CABCOCO1: variants seen among roughly 807,000 people sequenced by gnomAD.
CABCOCO1 encodes the protein ciliary-associated calcium-binding coiled-coil protein 1.
In CABCOCO1, 28 loss-of-function variants were observed where a neutral mutation model predicts 35.7. The observed-to-expected ratio is 0.78, with a 90% CI of 0.58 to 1.07. The LOEUF (loss-of-function observed/expected upper bound fraction) is 1.07, where lower values mean the gene tolerates loss of function less well. CABCOCO1 is among the 50% of genes least tolerant of loss of function. The pLI is 0.00. For missense variants in CABCOCO1, 326 were observed against 309.2 expected (o/e 1.05, Z -0.41); for synonymous variants, 95 against 100.1 (o/e 0.95, Z 0.30).
intron 5 of CABCOCO1, among the ~76,000 whole-genome samples, chr10:61,746,353 A>G (rs532598515): frequency 1.1e-3 from 163 of 152,100 alleles, no homozygotes; most frequent in Non-Finnish European, 1.8e-3. Context: ...TGATTTTTAC[A>G]TTTCTTAGAG....
chr10:61,664,044 T>G (rs1839092892), intron 1 of CABCOCO1, among the ~76,000 whole-genome samples: 1 of 152,154 alleles, frequency 6.6e-6, no homozygotes, highest in Non-Finnish European at 1.5e-5. Context: ...GAGCCAATAA[T>G]TCCATGCCTT....
Position 61,719,902 on chromosome 10 carries a change from CAG to C in CABCOCO1, c.552+29284_552+29285del, listed in dbSNP as rs1840958687. Reference sequence around the variant, plus strand: ...CACCACTGCACTCCAGCCTGGGCAGCAGAGTGAGACTCCATCTCAAAAAAAAA... The same window carrying C: ...CACCACTGCACTCCAGCCTGGGCAGCAGTGAGACTCCATCTCAAAAAAAAA... On this transcript the variant is annotated intron_variant, in intron 5 of 7. Coordinates refer to ENST00000648843, the MANE Select transcript of CABCOCO1 (RefSeq NM_001366906.2). Among the ~76,000 whole-genome samples, 11 of 120,698 alleles carry C rather than the reference CAG, an allele frequency of 9.1e-5. No homozygotes were observed. In the South Asian group the frequency reaches 3.0e-3, roughly 33 times the overall value. The allele number at this position is 120,698 out of a possible 152,430, so 79.2% of individuals were successfully genotyped here. A position where few individuals can be genotyped will look rare whatever the true frequency, so the allele number is the denominator to read the frequency against.
At chr10:61,707,387 C>A (rs1027553480) in intron 5 of CABCOCO1, among the ~76,000 whole-genome samples, 14 of 152,076 alleles carry the variant, frequency 9.2e-5, no homozygotes, top group Non-Finnish European at 2.1e-4. Context: ...ACCTCCCTGG[C>A]AGGATGCAAA....
chr10:61,663,373 G>GT lies in CABCOCO1; in HGVS notation c.60+355dup, dbSNP rs754985729. 4.8e-3 allele frequency among the ~76,000 whole-genome samples: 691 copies of GT among 143,586 alleles called. 4 individuals are homozygous for GT. The highest frequency in any genetic ancestry group is 0.011 in the African/African-American group (435 of 39,566). 94.2% of individuals were successfully genotyped at this position (143,586 alleles called of 152,430 possible). On this transcript the variant is annotated intron_variant, in intron 1 of 7. Transcript: ENST00000648843. ...CAGGTTTTGTTTTTTGGTTTTTCATGTTTTTTTTTTTTTTAATTCTAGGTA... is the reference window on the plus strand; with the variant it reads ...CAGGTTTTGTTTTTTGGTTTTTCATGTTTTTTTTTTTTTTTAATTCTAGGTA...
intron 5 of CABCOCO1, among the ~76,000 whole-genome samples, chr10:61,747,583 T>C (rs1841690304): frequency 6.6e-6 from 1 of 152,206 alleles, no homozygotes; most frequent in Non-Finnish European, 1.5e-5. Context: ...CAATGTTCCT[T>C]TATTATTTGA....
chr10:61,747,962 GC>G (rs1841699691), intron 5 of CABCOCO1, among the ~76,000 whole-genome samples: 1 of 152,044 alleles, frequency 6.6e-6, no homozygotes, highest in South Asian at 2.1e-4. Context: ...CAGATAATAG[GC>G]TATACTCATC....
chr10:61,709,517 G>C (rs1407901171), intron 5 of CABCOCO1, among the ~76,000 whole-genome samples: 4 of 151,778 alleles, frequency 2.6e-5, no homozygotes, highest in Non-Finnish European at 5.9e-5. Context: ...TTCACAGTAA[G>C]TGCCTAGTGC....
chr10:61,666,073 G>A, intron 1 of CABCOCO1, among the ~76,000 whole-genome samples: 1 of 152,086 alleles, frequency 6.6e-6, no homozygotes, highest in Non-Finnish European at 1.5e-5. Flanking sequence ...ATGCATTCAC[G>A]GCTTTATCAG....
intron 5 of CABCOCO1, among the ~76,000 whole-genome samples, chr10:61,697,847 C>T (rs1564539206): frequency 1.3e-5 from 2 of 151,980 alleles, no homozygotes; most frequent in Non-Finnish European, 2.9e-5. Context: ...GGAAAAAATA[C>T]GTGAACTCTC....
At chr10:61,687,311 G>A (rs776104511) in intron 4 of CABCOCO1, among the ~76,000 whole-genome samples, 2 of 152,168 alleles carry the variant, frequency 1.3e-5, no homozygotes, top group African/African-American at 2.4e-5. Context: ...TGTGTTGGGG[G>A]AGACGACGGT....
At chr10:61,716,376 A>C (rs913807897) in intron 5 of CABCOCO1, among the ~76,000 whole-genome samples, 4 of 152,152 alleles carry the variant, frequency 2.6e-5, no homozygotes, top group African/African-American at 9.7e-5. Context: ...CATTGGTTAA[A>C]GCAGTCACAG....
At position 61,665,902 on chromosome 10, in the gene CABCOCO1, AT is replaced by A. The variant is rs202083382; in HGVS notation, c.60+2871del. Among the ~76,000 whole-genome samples, 465 of 74,206 alleles carry A rather than the reference AT, an allele frequency of 6.3e-3. 1 individual carries two copies. Among genetic ancestry groups the A allele is most frequent in the East Asian group, 0.017 (67 of 3,936 alleles). The allele number at this position is 74,206 out of a possible 152,430, so 48.7% of individuals were successfully genotyped here. ...ACTCCGTCTCAAAAAAAAAAAAAAA[AT>A]ATCTAGGGAATTGAATCATAAGTAG... On this transcript the variant is annotated intron_variant, in intron 1 of 7. Coordinates refer to ENST00000648843, the MANE Select transcript of CABCOCO1 (RefSeq NM_001366906.2).
At chr10:61,680,649 A>ACATG (rs1839727309) in intron 2 of CABCOCO1, among the ~76,000 whole-genome samples, 2 of 50,112 alleles carry the variant, frequency 4.0e-5, no homozygotes, top group East Asian at 2.2e-3. Flanking sequence ...TATATAATAT[A>ACATG]TATTATGTTA....
intron 5 of CABCOCO1, among the ~76,000 whole-genome samples, chr10:61,748,150 G>C (rs1179855929): frequency 7.0e-6 from 1 of 142,148 alleles, no homozygotes; most frequent in Non-Finnish European, 1.5e-5. Flanking sequence ...GAAGAGCAGG[G>C]AGATACGGGG....
intron 3 of CABCOCO1, among the ~76,000 whole-genome samples, chr10:61,684,222 G>A (rs984426561): frequency 1.3e-5 from 2 of 152,146 alleles, no homozygotes; most frequent in African/African-American, 4.8e-5. Flanking sequence ...TGATCTGGAG[G>A]GAGGCAATGG....
intron 5 of CABCOCO1, among the ~76,000 whole-genome samples, chr10:61,727,707 A>G (rs1211899792): frequency 1.3e-5 from 2 of 152,212 alleles, no homozygotes; most frequent in East Asian, 3.9e-4. Context: ...TTGATTGGGA[A>G]CATTTTATAA....
Sources: gnomAD v4.1 joint callset for allele counts (sites outside exome capture counted in the v4.1 genomes callset) on GRCh38, gnomAD v4.1.1 for gene constraint, MANE v1.5 for transcripts, NCBI Gene and HGNC (gene_info 2026-07-23, HGNC 2026-07-21) for gene names.